The following TBC1D5 variants were observed in gnomAD, a reference collection of about 807,000 sequenced individuals.
The protein encoded by TBC1D5 is TBC1 domain family member 5.
Under a neutral mutation model 100.3 loss-of-function variants are expected in TBC1D5, and 75 were observed. That is an observed-to-expected ratio of 0.75 (90% CI 0.62 to 0.91). The LOEUF (loss-of-function observed/expected upper bound fraction) is 0.91, where lower values mean the gene tolerates loss of function less well. TBC1D5 is among the 40% of genes least tolerant of loss of function. The pLI is 0.00. For synonymous variants in TBC1D5, 323 were observed against 325.6 expected, an observed-to-expected ratio of 0.99 and a Z score of 0.09; for missense variants, 910 against 942.4, an observed-to-expected ratio of 0.97 and a Z score of 0.45.
intron 9 of TBC1D5, among the ~76,000 whole-genome samples, chr3:17,381,312 A>G (rs1308209270): frequency 1.3e-5 from 2 of 151,858 alleles, no homozygotes; most frequent in Admixed American, 1.3e-4. Context: ...TCCTTAATCT[A>G]TTTTTTCTTT....
chr3:17,159,299 A>G (rs1219525902), exon 22 of TBC1D5: 1 of 152,234 alleles, frequency 6.6e-6, no homozygotes, highest in Non-Finnish European at 1.5e-5. Context: ...AGAGTGAGTC[A>G]CCATTTTCTT....
Position 17,371,068 on chromosome 3 carries a change from T to C in TBC1D5, c.995+1007A>G, listed in dbSNP as rs1016928995. On this transcript the variant is annotated intron_variant, in intron 13 of 21. Transcript: ENST00000253692. ...CACACCTTATAAGCCACTGAAAAAA[T>C]ACACACACACACACACACACACACA... Among the ~76,000 whole-genome samples, 5 of 146,496 alleles carry C rather than the reference T, an allele frequency of 3.4e-5. No homozygotes were observed. In the South Asian group the frequency reaches 1.1e-3, roughly 32 times the overall value.
intron 15 of TBC1D5, among the ~76,000 whole-genome samples, chr3:17,291,121 G>C (rs1361954980): frequency 1.3e-5 from 2 of 152,200 alleles, no homozygotes; most frequent in East Asian, 3.8e-4. Flanking sequence ...GGTTGCCAAA[G>C]AGCCAAAGGC....
chr3:17,262,626 C>T (rs1310965176), intron 15 of TBC1D5, among the ~76,000 whole-genome samples: 2 of 151,502 alleles, frequency 1.3e-5, no homozygotes, highest in Admixed American at 6.6e-5. Flanking sequence ...GGACTACAAG[C>T]GCCCGCCACT....
At chr3:17,318,740 A>G (rs564764383) in intron 13 of TBC1D5, among the ~76,000 whole-genome samples, 16 of 152,306 alleles carry the variant, frequency 1.1e-4, no homozygotes, top group African/African-American at 3.1e-4. Context: ...ATGTATTTTT[A>G]AAATCGCCTC....
At chr3:17,688,167 T>C (rs1420056401) in intron 1 of TBC1D5, among the ~76,000 whole-genome samples, 2 of 152,126 alleles carry the variant, frequency 1.3e-5, no homozygotes, top group Admixed American at 1.3e-4. Flanking sequence ...TAAAAAAATA[T>C]AAACTATTTC....
Position 17,405,074 on chromosome 3 carries a change from A to G in TBC1D5, c.277-113T>C, listed in dbSNP as rs1206710867. The G allele has an allele frequency of 7.6e-6, 4 of 527,196 alleles. No homozygotes were observed. The African/African-American group carries it at 7.7e-5, about 10-fold the overall frequency. The allele number at this position is 527,196 out of a possible 1,614,324, so 32.7% of individuals were successfully genotyped here. A position where few individuals can be genotyped will look rare whatever the true frequency, so the allele number is the denominator to read the frequency against. ...AGACATAATAGTCATGATATTTCAT[A>G]TTCATATCATCATTTCAATTCCTAC... On this transcript the variant is annotated intron_variant, in intron 5 of 21. Coordinates refer to ENST00000253692, the Ensembl canonical transcript of TBC1D5.
chr3:17,468,421 C>A (rs920654610), intron 3 of TBC1D5, among the ~76,000 whole-genome samples: 1 of 152,100 alleles, frequency 6.6e-6, no homozygotes, highest in African/African-American at 2.4e-5. Context: ...ATATTTAATT[C>A]TGCAACTTAT....
chr3:17,166,622 C>T lies in TBC1D5; in HGVS notation c.2094+145G>A, dbSNP rs529875375. On this transcript the variant is annotated intron_variant, in intron 21 of 21. Transcript: ENST00000253692. ...CCTGCAGCACAGAGTGCACAGCCTG[C>T]ACAGCTGTACACAGCACCTCCGCAG... 4.7e-6 allele frequency: 5 copies of T among 1,070,524 alleles called. No individual in the cohort carries two copies. In the Admixed American group the frequency reaches 8.9e-5, roughly 19 times the overall value. 66.3% of individuals were successfully genotyped at this position (1,070,524 alleles called of 1,614,324 possible). A position where few individuals can be genotyped will look rare whatever the true frequency, so the allele number is the denominator to read the frequency against.
At chr3:17,668,269 G>C (rs764018538) in intron 1 of TBC1D5, among the ~76,000 whole-genome samples, 1 of 150,828 alleles carries the variant, frequency 6.6e-6, no homozygotes, top group African/African-American at 2.4e-5. Context: ...CTAGAGGAAT[G>C]GGGGGGTGGC....
At chr3:17,363,368 T>C (rs1017640781) in intron 13 of TBC1D5, among the ~76,000 whole-genome samples, 2 of 152,136 alleles carry the variant, frequency 1.3e-5, no homozygotes, top group African/African-American at 4.8e-5. Context: ...TAAATGATTA[T>C]ATCAACATTG....
In TBC1D5 at chr3:17,282,710, T is replaced by G. The variant is rs566125963; in HGVS notation, c.1245+9185A>C. On this transcript the variant is annotated intron_variant, in intron 15 of 21. Coordinates refer to ENST00000253692, the Ensembl canonical transcript of TBC1D5. ...AAGATCTAAATAGACATGCTTATTTTCAGCAAATATTGTTGCCATGAACAA... is the reference window on the plus strand; with the variant it reads ...AAGATCTAAATAGACATGCTTATTTGCAGCAAATATTGTTGCCATGAACAA... 7.2e-5 allele frequency among the ~76,000 whole-genome samples: 11 copies of G among 152,354 alleles called. No homozygotes were observed. The South Asian group carries it at 2.3e-3, about 32-fold the overall frequency.
chr3:17,676,640 G>A (rs1224957506), intron 1 of TBC1D5, among the ~76,000 whole-genome samples: 1 of 152,058 alleles, frequency 6.6e-6, no homozygotes, highest in Admixed American at 6.6e-5. Flanking sequence ...TCACAGAATT[G>A]GAAAAAACTA....
chr3:17,218,169 A>G (rs1475367643), intron 17 of TBC1D5, among the ~76,000 whole-genome samples: 1 of 151,886 alleles, frequency 6.6e-6, no homozygotes, highest in African/African-American at 2.4e-5. Context: ...CATACTCTCA[A>G]CTCTATTCCA....
chr3:17,572,471 T>C (rs1182671316), intron 2 of TBC1D5, among the ~76,000 whole-genome samples: 1 of 151,978 alleles, frequency 6.6e-6, no homozygotes, highest in African/African-American at 2.4e-5. Context: ...TTTTCACCAA[T>C]ATATAAACAC....
intron 2 of TBC1D5, among the ~76,000 whole-genome samples, chr3:17,564,188 A>G (rs972380459): frequency 1.3e-5 from 2 of 152,212 alleles, no homozygotes; most frequent in African/African-American, 4.8e-5. Flanking sequence ...TAAACTGGAA[A>G]AGCAAATTGG....
chr3:17,292,976 G>T (rs994988989), intron 14 of TBC1D5, among the ~76,000 whole-genome samples: 9 of 152,136 alleles, frequency 5.9e-5, no homozygotes, highest in Admixed American at 5.9e-4. Flanking sequence ...TTCTTCTGCT[G>T]TTGGAATACC....
chr3:17,328,755 T>C (rs2086508133), intron 13 of TBC1D5, among the ~76,000 whole-genome samples: 2 of 152,206 alleles, frequency 1.3e-5, no homozygotes, highest in South Asian at 4.1e-4. Context: ...CCCAAAATAC[T>C]ACATATAATC....
chr3:17,552,973 G>A (rs145626150), intron 2 of TBC1D5, among the ~76,000 whole-genome samples: 52 of 152,184 alleles, frequency 3.4e-4, no homozygotes, highest in African/African-American at 1.2e-3. Flanking sequence ...TACTATTAAT[G>A]TTTTAGCCTG....
Sources: allele counts gnomAD v4.1 joint callset (sites outside exome capture counted in the v4.1 genomes callset), GRCh38; gene constraint gnomAD v4.1.1; transcripts MANE v1.5; gene names NCBI Gene and HGNC (gene_info 2026-07-23, HGNC 2026-07-21).